The following EEA1 variants were observed in gnomAD, a reference collection of about 807,000 sequenced individuals.
EEA1 encodes early endosome antigen 1, 162kD.
Under a neutral mutation model 209.2 loss-of-function variants are expected in EEA1, and 111 were observed. The observed-to-expected ratio is 0.53, with a 90% CI of 0.45 to 0.62. The LOEUF is 0.62. Ranked by LOEUF, EEA1 falls within the 20% of genes least tolerant of loss-of-function variation. The pLI is 0.00. For synonymous variants in EEA1, 536 were observed against 540.6 expected (o/e 0.99, Z 0.12); for missense variants, 1,343 against 1,530.8 (o/e 0.88, Z 2.05).
chr12:92,780,131 C>T lies in EEA1; in HGVS notation c.3468+149G>A, dbSNP rs1873840813. The T allele has an allele frequency of 8.9e-6, 7 of 783,846 alleles. No individual in the cohort carries two copies. In the South Asian group the frequency reaches 1.5e-4, roughly 17 times the overall value. The allele number at this position is 783,846 out of a possible 1,614,324, so 48.6% of individuals were successfully genotyped here. On this transcript the variant is annotated intron_variant, in intron 24 of 28. Coordinates refer to ENST00000322349, the MANE Select transcript of EEA1 (RefSeq NM_003566.4). ...ACGGGTATTATGCAATACAAAAGCA[C>T]TCTGGCAAGAGTATTTGTCAGAAAC...
At chr12:92,790,885 T>A (rs1231260795) in intron 21 of EEA1, among the ~76,000 whole-genome samples, 1 of 152,206 alleles carries the variant, frequency 6.6e-6, no homozygotes, top group Non-Finnish European at 1.5e-5. Context: ...AAGGTCGGGT[T>A]ACCCACAAAG....
In EEA1 at chr12:92,832,628, C is replaced by A. The variant is rs780962188; in HGVS notation, c.1138G>T (p.Glu380Ter). Residue 380 changes from glutamate (E) to a stop codon, truncating the protein, a stop_gained, in exon 11 of 29, where the codon GAA (glutamate) becomes TAA (stop). Coordinates refer to ENST00000322349, the MANE Select transcript of EEA1 (RefSeq NM_003566.4). LOFTEE classifies it high-confidence loss of function. ...TACTTGGTCTCTACCTCAGATAATT[C>A]TTCTTTGAGCTTTTGAGTAGCTTCT... is the stretch of plus-strand genomic sequence containing the variant. ...KGEATQKLKE[E>*]LSEVETKYQH... 2 of 1,613,984 alleles carry A rather than the reference C, an allele frequency of 1.2e-6. No individual in the cohort carries two copies. The highest frequency in any genetic ancestry group is 1.1e-5 in the South Asian group (1 of 91,076).
intron 2 of EEA1, among the ~76,000 whole-genome samples, chr12:92,888,901 G>C (rs1276007319): frequency 6.6e-6 from 1 of 152,110 alleles, no homozygotes; most frequent in East Asian, 1.9e-4. Context: ...TATAATCCCG[G>C]CACTTTGGGA....
chr12:92,794,587 T>C (rs1417304480), intron 21 of EEA1, among the ~76,000 whole-genome samples: 1 of 152,050 alleles, frequency 6.6e-6, no homozygotes, highest in African/African-American at 2.4e-5. Flanking sequence ...TTCAGGGACA[T>C]GGATGAAGCT....
intron 21 of EEA1, among the ~76,000 whole-genome samples, chr12:92,790,009 G>C (rs1874324633): frequency 6.6e-6 from 1 of 152,158 alleles, no homozygotes; most frequent in Non-Finnish European, 1.5e-5. Flanking sequence ...AACAGAGTCT[G>C]GAGTGGAACT....
chr12:92,866,844 T>C (rs1167729862), intron 2 of EEA1, among the ~76,000 whole-genome samples: 1 of 152,188 alleles, frequency 6.6e-6, no homozygotes, highest in Non-Finnish European at 1.5e-5. Context: ...ACTAGAAACC[T>C]AAAAATTTGG....
intron 17 of EEA1, among the ~76,000 whole-genome samples, chr12:92,810,389 T>C (rs958299459): frequency 1.8e-4 from 28 of 152,086 alleles, no homozygotes; most frequent in African/African-American, 6.3e-4. Flanking sequence ...TTAGACACTT[T>C]TCAGTAAAAT....
intron 1 of EEA1, among the ~76,000 whole-genome samples, chr12:92,895,235 A>G (rs1283674796): frequency 7.0e-6 from 1 of 142,978 alleles, no homozygotes; most frequent in Non-Finnish European, 1.5e-5. Context: ...AGCTCACTGC[A>G]AGCTCCGCCT....
rs138003143 is a variant in EEA1 at position 92,773,662 on chromosome 12, T to G, written c.*2349A>C. On this transcript the variant is annotated 3_prime_UTR_variant, in exon 29 of 29. Coordinates refer to ENST00000322349, the MANE Select transcript of EEA1 (RefSeq NM_003566.4). The stretch of plus-strand genomic sequence containing the variant: ...GCTGTACATGCCAGCTTTAACTGAC[T>G]GACAAAATAATAGTACCAGCAAACA... 1.1e-3 allele frequency: 161 copies of G among 151,730 alleles called. No homozygotes were observed. Among genetic ancestry groups the G allele is most frequent in the African/African-American group, 3.5e-3 (144 of 41,506 alleles). 9.4% of individuals were successfully genotyped at this position (151,730 alleles called of 1,614,324 possible). A position where few individuals can be genotyped will look rare whatever the true frequency, so the allele number is the denominator to read the frequency against.
At chr12:92,912,374 G>A (rs1340614460) in intron 1 of EEA1, among the ~76,000 whole-genome samples, 1 of 152,058 alleles carries the variant, frequency 6.6e-6, no homozygotes, top group Non-Finnish European at 1.5e-5. Context: ...TTGACTAATG[G>A]TAGTAGCAAA....
At chr12:92,780,149 T>G (rs1391663438) in intron 24 of EEA1, 131 bp downstream of exon 24, 3 of 932,806 alleles carry the variant, frequency 3.2e-6, no homozygotes, top group Non-Finnish European at 4.6e-6. Context: ...AGAGTATTTG[T>G]CAGAAACAAC....
chr12:92,887,675 T>C (rs1879472740), intron 2 of EEA1, among the ~76,000 whole-genome samples: 1 of 151,856 alleles, frequency 6.6e-6, no homozygotes, highest in African/African-American at 2.4e-5. Flanking sequence ...AAAATACCTA[T>C]GATAGAATAA....
chr12:92,926,195 G>A (rs530310511), intron 1 of EEA1, among the ~76,000 whole-genome samples: 23 of 152,022 alleles, frequency 1.5e-4, no homozygotes, highest in African/African-American at 5.6e-4. Context: ...GTTTCTCCAT[G>A]TTGGTCAGGC....
intron 5 of EEA1, among the ~76,000 whole-genome samples, chr12:92,856,201 T>C (rs935002429): frequency 1.3e-5 from 2 of 152,206 alleles, no homozygotes; most frequent in Non-Finnish European, 1.5e-5. Flanking sequence ...ACTACTTTTA[T>C]TCTTACAAAT....
intron 13 of EEA1, among the ~76,000 whole-genome samples, chr12:92,823,987 A>G (rs1032072539): frequency 4.6e-5 from 7 of 152,184 alleles, no homozygotes; most frequent in Admixed American, 1.3e-4. Flanking sequence ...TATTCACTCT[A>G]TCAAACTTTT....
intron 2 of EEA1, among the ~76,000 whole-genome samples, chr12:92,889,891 G>T (rs1297750709): frequency 6.6e-6 from 1 of 152,164 alleles, no homozygotes; most frequent in Admixed American, 6.5e-5. Flanking sequence ...TCCAGTCTGG[G>T]CAATAGAGTG....
At chr12:92,903,523 A>C (rs1418263657) in intron 1 of EEA1, among the ~76,000 whole-genome samples, 1 of 151,738 alleles carries the variant, frequency 6.6e-6, no homozygotes. Context: ...ACTTGAACCC[A>C]GGAGGCGAAG....
chr12:92,795,892 A>C (rs1874635829), intron 21 of EEA1, among the ~76,000 whole-genome samples: 1 of 151,830 alleles, frequency 6.6e-6, no homozygotes, highest in Non-Finnish European at 1.5e-5. Flanking sequence ...TATTGTTCTG[A>C]CTCTTAACTA....
intron 12 of EEA1, among the ~76,000 whole-genome samples, chr12:92,826,546 A>C (rs1218816127): frequency 1.1e-5 from 1 of 89,716 alleles, no homozygotes; most frequent in Non-Finnish European, 3.4e-5. Flanking sequence ...TGTCTCTACT[A>C]AAAAAAAAAA....
Sources: allele counts gnomAD v4.1 joint callset (sites outside exome capture counted in the v4.1 genomes callset), GRCh38; gene constraint gnomAD v4.1.1; transcripts MANE v1.5; gene names NCBI Gene and HGNC (gene_info 2026-07-23, HGNC 2026-07-21).